The following ZNF609 variants were observed in gnomAD, a reference collection of about 807,000 sequenced individuals.
ZNF609 encodes zinc finger protein 609.
In ZNF609, 11 loss-of-function variants were observed where a neutral mutation model predicts 109.5. The ratio of observed to expected loss-of-function variants is 0.10; its 90% confidence interval spans 0.06 to 0.17. The LOEUF is 0.17. Ranked by LOEUF, ZNF609 falls within the 10% of genes least tolerant of loss-of-function variation. The pLI, the probability that ZNF609 is intolerant of heterozygous loss-of-function variation, is 1.00. For missense variants in ZNF609, 1,559 were observed against 1,772.4 expected, an observed-to-expected ratio of 0.88 and a Z score of 2.16; for synonymous variants, 646 against 662.0, an observed-to-expected ratio of 0.98 and a Z score of 0.37.
chr15:64,525,170 A>C (rs55978417), intron 2 of ZNF609, among the ~76,000 whole-genome samples: 7,323 of 152,274 alleles, frequency 0.048, 235 homozygotes, highest in South Asian at 0.086. Flanking sequence ...GTAAGAATAT[A>C]TTCTGGATAC....
In ZNF609 at chr15:64,645,008, T is replaced by TCTTTCTTC. The variant is rs1311156425; in HGVS notation, c.973+21959_973+21960insTCTTCCTT. ...TTCTTTCTTTCTTTCTTTCTTTCTT[T>TCTTTCTTC]CTTCCTTCCTTCCTTCCTTCCTTTC... On this transcript the variant is annotated intron_variant, in intron 3 of 9. Transcript: ENST00000326648. Among the ~76,000 whole-genome samples the TCTTTCTTC allele has an allele frequency of 2.2e-3, 313 of 140,128 alleles. 2 individuals are homozygous for TCTTTCTTC. The highest frequency in any genetic ancestry group is 8.0e-3 in the African/African-American group (280 of 34,850). 91.9% of individuals were successfully genotyped at this position (140,128 alleles called of 152,430 possible).
rs768682452 is a variant in ZNF609 at position 64,678,199 on chromosome 15, G to A, written c.3486G>A (p.Glu1162=). Reference sequence around the variant, plus strand: ...CAGAGGATGAGCGGTGGAAGGAGGAGCGGGACCGCAAATTGAAGGAGGAAA... The same window carrying A: ...CAGAGGATGAGCGGTGGAAGGAGGAACGGGACCGCAAATTGAAGGAGGAAA... The part of the protein sequence containing the change: ...IKSEDERWKE[E]RDRKLKEERS... Residue 1162 remains glutamate (E), a synonymous_variant, in exon 6 of 10, where the codon GAG becomes GAA. Coordinates refer to ENST00000326648, the MANE Select transcript of ZNF609 (RefSeq NM_015042.2). The A allele has an allele frequency of 6.2e-7, 1 of 1,614,180 alleles. No homozygotes were observed. Among genetic ancestry groups the A allele is most frequent in the South Asian group, 1.1e-5 (1 of 91,090 alleles).
chr15:64,666,546 G>A (rs1005906396), intron 3 of ZNF609, among the ~76,000 whole-genome samples: 4 of 151,484 alleles, frequency 2.6e-5, no homozygotes, highest in Non-Finnish European at 4.4e-5. Context: ...CTCTGTCGCC[G>A]AGGCTGGAGT....
chr15:64,629,542 C>T (rs1896031297), intron 3 of ZNF609, among the ~76,000 whole-genome samples: 1 of 152,120 alleles, frequency 6.6e-6, no homozygotes. Context: ...ATCATGTTTA[C>T]TTTCCAGTCT....
chr15:64,621,267 CAATCACTCGAGCAT>C (rs1895871407), intron 2 of ZNF609, among the ~76,000 whole-genome samples: 1 of 152,180 alleles, frequency 6.6e-6, no homozygotes. Flanking sequence ...ATTGGGGCAT[CAATCACTCGAGCAT>C]AATAGACTTT....
intron 6 of ZNF609, 134 bp downstream of exon 6, chr15:64,678,616 G>A: frequency 7.9e-7 from 1 of 1,272,076 alleles, no homozygotes; most frequent in Non-Finnish European, 1.1e-6. Flanking sequence ...TTTTCACTGA[G>A]TCATTCTGTG....
At chr15:64,618,463 C>T (rs1895832949) in intron 2 of ZNF609, among the ~76,000 whole-genome samples, 1 of 152,146 alleles carries the variant, frequency 6.6e-6, no homozygotes, top group Non-Finnish European at 1.5e-5. Flanking sequence ...CTTGTGTTAG[C>T]TCAATTAGAC....
chr15:64,488,061 C>T (rs909949008), intron 1 of ZNF609, among the ~76,000 whole-genome samples: 2 of 152,140 alleles, frequency 1.3e-5, no homozygotes, highest in Non-Finnish European at 2.9e-5. Context: ...TTTTGGGAAG[C>T]AACTATGCAT....
intron 3 of ZNF609, chr15:64,631,714 T>C (rs1053177478): frequency 4.4e-6 from 1 of 229,162 alleles, no homozygotes; most frequent in Non-Finnish European, 8.5e-6. Context: ...GTATTTTTTT[T>C]TTTTTTTTTA....
chr15:64,523,432 A>G (rs1025343593), intron 2 of ZNF609, among the ~76,000 whole-genome samples: 11 of 152,150 alleles, frequency 7.2e-5, no homozygotes, highest in African/African-American at 2.7e-4. Context: ...GGCTTTTACC[A>G]AGAGCCTGAC....
At chr15:64,637,224 T>C (rs957238381) in intron 3 of ZNF609, among the ~76,000 whole-genome samples, 4 of 152,232 alleles carry the variant, frequency 2.6e-5, no homozygotes, top group Non-Finnish European at 4.4e-5. Flanking sequence ...TTGTTACATG[T>C]TGTTAAACTT....
chr15:64,561,469 G>A (rs536024468), intron 2 of ZNF609, among the ~76,000 whole-genome samples: 48 of 151,086 alleles, frequency 3.2e-4, no homozygotes, highest in Admixed American at 5.9e-4. Context: ...TTAAGACCTA[G>A]TGTTTCTGTA....
intron 2 of ZNF609, among the ~76,000 whole-genome samples, chr15:64,519,115 A>G (rs866609631): frequency 0.065 from 661 of 10,168 alleles, 5 homozygotes; most frequent in Middle Eastern, 0.18. Context: ...TGGCGGGTGC[A>G]GGGCGGGGGG....
intron 2 of ZNF609, among the ~76,000 whole-genome samples, chr15:64,546,739 GC>G (rs1894368901): frequency 6.6e-6 from 1 of 151,118 alleles, no homozygotes; most frequent in African/African-American, 2.4e-5. Context: ...CTCTCAAAGT[GC>G]TGGGATTACA....
intron 3 of ZNF609, among the ~76,000 whole-genome samples, chr15:64,661,376 T>A (rs1896573335): frequency 6.6e-6 from 1 of 152,192 alleles, no homozygotes; most frequent in Admixed American, 6.5e-5. Flanking sequence ...GTCCCAGTAC[T>A]TGAGAACAGT....
intron 2 of ZNF609, among the ~76,000 whole-genome samples, chr15:64,568,364 C>A (rs1315850012): frequency 3.9e-5 from 6 of 152,116 alleles, no homozygotes; most frequent in Non-Finnish European, 7.3e-5. Context: ...TACCTCATGC[C>A]CAGCAGCAAT....
intron 2 of ZNF609, chr15:64,502,862 T>A (rs996260988): frequency 1.3e-5 from 2 of 151,368 alleles, no homozygotes; most frequent in African/African-American, 4.9e-5. Flanking sequence ...AGCTCAGGAG[T>A]TTGAGACCAG....
At chr15:64,466,548 A>G (rs1211373849) in intron 1 of ZNF609, among the ~76,000 whole-genome samples, 2 of 152,214 alleles carry the variant, frequency 1.3e-5, no homozygotes, top group Non-Finnish European at 2.9e-5. Flanking sequence ...AGGCCAGACT[A>G]TGACTCAGGT....
chr15:64,542,860 T>C (rs977472535), intron 2 of ZNF609, among the ~76,000 whole-genome samples: 1 of 152,214 alleles, frequency 6.6e-6, no homozygotes, highest in Non-Finnish European at 1.5e-5. Context: ...CTCCAGTCCA[T>C]TCTCTACATT....
Sources: gnomAD v4.1 joint callset for allele counts (sites outside exome capture counted in the v4.1 genomes callset) on GRCh38, gnomAD v4.1.1 for gene constraint, MANE v1.5 for transcripts, NCBI Gene and HGNC (gene_info 2026-07-23, HGNC 2026-07-21) for gene names.